JMJD1C: variants seen among roughly 807,000 people sequenced by gnomAD.
JMJD1C encodes jumonji domain containing 1C.
In JMJD1C, 31 loss-of-function variants were observed where a neutral mutation model predicts 245.3. That is an observed-to-expected ratio of 0.13 (90% confidence interval 0.09 to 0.17). The LOEUF (loss-of-function observed/expected upper bound fraction) is 0.17, where lower values mean the gene tolerates loss of function less well. JMJD1C is among the 10% of genes least tolerant of loss of function. The pLI is 1.00. For synonymous variants in JMJD1C, 1,057 were observed against 1,017.4 expected (o/e 1.04, Z -0.74); for missense variants, 2,691 against 3,000.2 (o/e 0.90, Z 2.41).
intron 2 of JMJD1C, among the ~76,000 whole-genome samples, chr10:63,357,095 G>A (rs1944910369): frequency 6.7e-6 from 1 of 148,336 alleles, no homozygotes; most frequent in South Asian, 2.2e-4. Flanking sequence ...GTGCAGTGGC[G>A]CGACCTCAGC....
At chr10:63,350,843 T>C (rs1258405897) in intron 2 of JMJD1C, among the ~76,000 whole-genome samples, 1 of 151,826 alleles carries the variant, frequency 6.6e-6, no homozygotes, top group Non-Finnish European at 1.5e-5. Flanking sequence ...ATGGTCTCGA[T>C]CTCCTGACCT....
At chr10:63,245,844 C>T (rs1852139132) in intron 3 of JMJD1C, among the ~76,000 whole-genome samples, 1 of 152,182 alleles carries the variant, frequency 6.6e-6, no homozygotes, top group East Asian at 1.9e-4. Context: ...CAAGAACAGA[C>T]ACACTCCAGT....
upstream of JMJD1C, among the ~76,000 whole-genome samples, chr10:63,470,687 A>C (rs1197186157): frequency 6.6e-6 from 1 of 152,188 alleles, no homozygotes; most frequent in Non-Finnish European, 1.5e-5. Context: ...CAATATACAA[A>C]CATAACTTTC....
At chr10:63,234,217 T>A (rs557398620) in intron 3 of JMJD1C, among the ~76,000 whole-genome samples, 29 of 151,744 alleles carry the variant, frequency 1.9e-4, no homozygotes, top group Middle Eastern at 6.8e-3. Context: ...TTGTTTAGAG[T>A]CTCTTGAAAA....
At chr10:63,304,797 T>G (rs999116930) in intron 2 of JMJD1C, among the ~76,000 whole-genome samples, 3 of 152,180 alleles carry the variant, frequency 2.0e-5, no homozygotes, top group Non-Finnish European at 4.4e-5. Flanking sequence ...TATATGTATG[T>G]GTGTATTTAC....
At position 63,207,393 on chromosome 10, in the gene JMJD1C, C is replaced by A; in HGVS notation, c.4276G>T (p.Ala1426Ser). 1 of 1,614,024 alleles carries A rather than the reference C, an allele frequency of 6.2e-7. No individual in the cohort carries two copies. The highest frequency in any genetic ancestry group is 8.5e-7 in the Non-Finnish European group (1 of 1,180,022). ...GATACACATTCTGATGATGTAGAGG[C>A]CAAAATGGTATTTGATAAAGAGGAA... ...VISSLSNTIL[A>S]STSSECVSSK... Residue 1426 changes from alanine to serine, a missense_variant, in exon 10 of 26, where the codon GCC becomes TCC. Physicochemically the swap from Ala to Ser is moderately conservative, Grantham distance 99 (BLOSUM62 1). Transcript: ENST00000399262.
rs772826078 is a variant in JMJD1C at position 63,207,474 on chromosome 10, T to C, written c.4195A>G (p.Ile1399Val). Residue 1399 changes from isoleucine (I) to valine (V), a missense_variant, in exon 10 of 26, where the codon ATC becomes GTC. Ile to Val is a conservative substitution (Grantham distance 29, BLOSUM62 3). Coordinates refer to ENST00000399262, the MANE Select transcript of JMJD1C (RefSeq NM_032776.3). ...NTMCNTKTDV[I>V]TSAADTTSVS... is the part of the protein sequence containing the mutation. ...CTGGTAGTATCGGCAGCAGATGTGATTACATCCGTTTTGGTATTACACATC... is the reference window on the plus strand; with the variant it reads ...CTGGTAGTATCGGCAGCAGATGTGACTACATCCGTTTTGGTATTACACATC... 2 of 1,614,226 alleles carry C rather than the reference T, an allele frequency of 1.2e-6. No individual in the cohort carries two copies. Among genetic ancestry groups the C allele is most frequent in the East Asian group, 2.2e-5 (1 of 44,890 alleles).
chr10:63,358,423 T>C (rs1945047129), intron 2 of JMJD1C, among the ~76,000 whole-genome samples: 1 of 151,514 alleles, frequency 6.6e-6, no homozygotes, highest in South Asian at 2.1e-4. Context: ...TGAAGATAGA[T>C]ACGGTGGTGT....
intron 24 of JMJD1C, among the ~76,000 whole-genome samples, chr10:63,172,922 AG>A (rs1398174486): frequency 6.7e-6 from 1 of 148,762 alleles, no homozygotes; most frequent in Non-Finnish European, 1.5e-5. Context: ...AGTGAGACAG[AG>A]GGGGAAGTGT....
At chr10:63,474,086 C>T (rs1415477892) in intron 1 of JMJD1C, among the ~76,000 whole-genome samples, 1 of 150,192 alleles carries the variant, frequency 6.7e-6, no homozygotes, top group East Asian at 2.0e-4. Flanking sequence ...ACACTTGGTA[C>T]ACTAAAAAAA....
At chr10:63,508,820 T>C (rs1474478276) in intron 1 of JMJD1C, among the ~76,000 whole-genome samples, 1 of 152,210 alleles carries the variant, frequency 6.6e-6, no homozygotes. Flanking sequence ...GGTTTACAAG[T>C]TCCAGAAGTA....
At chr10:63,283,329 T>A (rs1857611265) in intron 2 of JMJD1C, among the ~76,000 whole-genome samples, 1 of 151,836 alleles carries the variant, frequency 6.6e-6, no homozygotes, top group South Asian at 2.1e-4. Flanking sequence ...ATCTGAAAGC[T>A]TCCCTGTATT....
intron 2 of JMJD1C, among the ~76,000 whole-genome samples, chr10:63,353,660 C>T (rs1233347665): frequency 1.3e-5 from 2 of 151,594 alleles, no homozygotes; most frequent in African/African-American, 2.4e-5. Context: ...AGATTACAGG[C>T]GCGCACCACC....
rs1942778459 is a variant in JMJD1C at position 63,336,781 on chromosome 10, C to CA, written c.333+43536dup. ...TCCCTTATAGAAGAATGCAAATAAA[C>CA]AGAGTGTGAGCCAGGAAAAGCTAAT... On this transcript the variant is annotated intron_variant, in intron 2 of 25. Coordinates refer to ENST00000399262, the MANE Select transcript of JMJD1C (RefSeq NM_032776.3). Among the ~76,000 whole-genome samples, 5 of 152,230 alleles carry CA rather than the reference C, an allele frequency of 3.3e-5. No individual in the cohort carries two copies. The South Asian group carries it at 1.0e-3, about 32-fold the overall frequency.
chr10:63,193,337 T>C lies in JMJD1C; in HGVS notation c.5862+8A>G, dbSNP rs770639668. The C allele has an allele frequency of 1.7e-5, 27 of 1,578,688 alleles. No homozygotes were observed. Among genetic ancestry groups the C allele is most frequent in the Non-Finnish European group, 1.4e-5 (16 of 1,166,890 alleles). On this transcript the variant is annotated splice_region_variant and intron_variant, in intron 15 of 25. Coordinates refer to ENST00000399262, the MANE Select transcript of JMJD1C (RefSeq NM_032776.3). ...ATTTTATTTGAATAACCAGAGATTT[T>C]TACTCACTTGAGATACACCATTCAT...
intron 2 of JMJD1C, among the ~76,000 whole-genome samples, chr10:63,363,252 CTTTTTTT>C (rs71463517): frequency 1.8e-4 from 18 of 99,846 alleles, no homozygotes; most frequent in Admixed American, 5.6e-4. Flanking sequence ...TCATACAATT[CTTTTTTT>C]TTTTTTTTTT....
At chr10:63,410,666 T>C (rs1949425182) in intron 1 of JMJD1C, among the ~76,000 whole-genome samples, 1 of 152,184 alleles carries the variant, frequency 6.6e-6, no homozygotes, top group Non-Finnish European at 1.5e-5. Flanking sequence ...ACAAAAAATA[T>C]ACTGAGCCCA....
At chr10:63,457,999 A>G (rs761653994) in intron 1 of JMJD1C, among the ~76,000 whole-genome samples, 117 of 152,212 alleles carry the variant, frequency 7.7e-4, no homozygotes, top group Non-Finnish European at 1.2e-3. Context: ...CAACATTTTC[A>G]TCAATGGGTT....
At chr10:63,270,294 G>GTA (rs1189627833) in intron 2 of JMJD1C, among the ~76,000 whole-genome samples, 48 of 151,762 alleles carry the variant, frequency 3.2e-4, no homozygotes, top group African/African-American at 1.1e-3. Context: ...AGCCTCCCAA[G>GTA]TAGCTGGCAT....
Sources: gnomAD v4.1 joint callset for allele counts (sites outside exome capture counted in the v4.1 genomes callset) on GRCh38, gnomAD v4.1.1 for gene constraint, MANE v1.5 for transcripts, NCBI Gene and HGNC (gene_info 2026-07-23, HGNC 2026-07-21) for gene names.